The following MAML3 variants were observed in gnomAD, a reference collection of about 807,000 sequenced individuals.
MAML3 encodes mastermind-like protein 3.
A neutral mutation model predicts 101.9 loss-of-function variants in MAML3; 27 were observed. That is an observed-to-expected ratio of 0.27 (90% confidence interval 0.20 to 0.37). MAML3 has a LOEUF of 0.37. Ranked by LOEUF, MAML3 falls within the 10% of genes least tolerant of loss-of-function variation. The probability of loss-of-function intolerance (pLI) is 1.00; values close to 1 mark genes in which losing one functional copy is unlikely to be tolerated. For missense variants in MAML3, 1,316 were observed against 1,444.9 expected, an observed-to-expected ratio of 0.91 and a Z score of 1.45; for synonymous variants, 501 against 555.9, an observed-to-expected ratio of 0.90 and a Z score of 1.39.
intron 2 of MAML3, among the ~76,000 whole-genome samples, chr4:139,790,216 C>CATATATATATATATATATATAT (rs367675413): frequency 6.4e-4 from 70 of 110,188 alleles, no homozygotes; most frequent in African/African-American, 2.2e-3. Context: ...ACCCTAGTGA[C>CATATATATATATATATATATAT]ATATATATAT....
intron 1 of MAML3, among the ~76,000 whole-genome samples, chr4:139,957,133 C>T (rs1203452794): frequency 6.6e-6 from 1 of 152,160 alleles, no homozygotes; most frequent in Non-Finnish European, 1.5e-5. Flanking sequence ...CTTAACCACT[C>T]CATTTCTAAG....
At chr4:139,983,835 G>T (rs1222285597) in intron 1 of MAML3, among the ~76,000 whole-genome samples, 1 of 152,146 alleles carries the variant, frequency 6.6e-6, no homozygotes, top group Admixed American at 6.6e-5. Flanking sequence ...ATAATCCATG[G>T]TCAAGAGTTT....
intron 2 of MAML3, among the ~76,000 whole-genome samples, chr4:139,759,845 C>A (rs1729718766): frequency 6.6e-6 from 1 of 152,176 alleles, no homozygotes. Context: ...CACTTTCACA[C>A]AGGGGGTAAA....
intron 1 of MAML3, chr4:140,128,088 G>C (rs1438638665): frequency 6.6e-6 from 1 of 152,284 alleles, no homozygotes; most frequent in Non-Finnish European, 1.5e-5. Flanking sequence ...CTTCTCCCTG[G>C]TGAGGCCCCT....
chr4:140,065,191 A>G (rs1727513821), intron 1 of MAML3, among the ~76,000 whole-genome samples: 2 of 152,178 alleles, frequency 1.3e-5, no homozygotes, highest in Admixed American at 6.5e-5. Context: ...AGTAAAATCC[A>G]AAAGCCACTG....
intron 1 of MAML3, among the ~76,000 whole-genome samples, chr4:140,119,491 T>C (rs1383485984): frequency 6.6e-6 from 1 of 152,176 alleles, no homozygotes; most frequent in Non-Finnish European, 1.5e-5. Context: ...ATACAGTCAT[T>C]ACAGACTTCT....
intron 2 of MAML3, among the ~76,000 whole-genome samples, chr4:139,837,161 A>C (rs1731269415): frequency 6.6e-6 from 1 of 150,720 alleles, no homozygotes; most frequent in Admixed American, 6.6e-5. Context: ...AAAAAAAAAG[A>C]ATTACTAACT....
At chr4:139,897,457 C>T (rs1239339690) in intron 1 of MAML3, among the ~76,000 whole-genome samples, 5 of 152,190 alleles carry the variant, frequency 3.3e-5, no homozygotes, top group Non-Finnish European at 5.9e-5. Flanking sequence ...CTGATGCCAC[C>T]TGTGATATGC....
chr4:140,146,429 TACAGCAGGCC>T (rs1287356465), intron 1 of MAML3, among the ~76,000 whole-genome samples: 1 of 152,238 alleles, frequency 6.6e-6, no homozygotes, highest in African/African-American at 2.4e-5. Context: ...GTATTTATTA[TACAGCAGGCC>T]CTCAACTCCA....
intron 1 of MAML3, among the ~76,000 whole-genome samples, chr4:140,070,725 G>A (rs903974122): frequency 8.5e-5 from 13 of 152,232 alleles, no homozygotes; most frequent in Non-Finnish European, 1.5e-4. Flanking sequence ...AGCCACTTCA[G>A]AAGGTAGGAC....
At chr4:140,003,906 T>A (rs1449587511) in intron 1 of MAML3, among the ~76,000 whole-genome samples, 1 of 152,220 alleles carries the variant, frequency 6.6e-6, no homozygotes, top group African/African-American at 2.4e-5. Flanking sequence ...AGTTTCTGTG[T>A]AAATTACAAA....
At chr4:139,790,717 T>A (rs1730393952) in intron 2 of MAML3, among the ~76,000 whole-genome samples, 1 of 152,224 alleles carries the variant, frequency 6.6e-6, no homozygotes, top group African/African-American at 2.4e-5. Context: ...GTAGTACGTA[T>A]CAGACATTCA....
chr4:140,106,751 C>T (rs1416907247), intron 1 of MAML3, among the ~76,000 whole-genome samples: 1 of 152,216 alleles, frequency 6.6e-6, no homozygotes, highest in Non-Finnish European at 1.5e-5. Context: ...CCAATCACAG[C>T]TTGAAAGCAA....
At chr4:139,864,344 C>T (rs1731848242) in intron 2 of MAML3, among the ~76,000 whole-genome samples, 1 of 152,102 alleles carries the variant, frequency 6.6e-6, no homozygotes, top group Non-Finnish European at 1.5e-5. Context: ...ATTAATTACT[C>T]ATACTATGAC....
At chr4:139,754,391 TCACTCAA>T (rs2111045402) in intron 2 of MAML3, among the ~76,000 whole-genome samples, 1 of 152,334 alleles carries the variant, frequency 6.6e-6, no homozygotes, top group South Asian at 2.1e-4. Flanking sequence ...AAAATGATAG[TCACTCAA>T]TGTATTTCCA....
intron 1 of MAML3, among the ~76,000 whole-genome samples, chr4:139,953,509 C>T (rs1733865858): frequency 6.6e-6 from 1 of 152,094 alleles, no homozygotes; most frequent in African/African-American, 2.4e-5. Flanking sequence ...GCCTGTAATC[C>T]CAGCTACTCA....
chr4:139,998,893 G>A (rs1485651787), intron 1 of MAML3, among the ~76,000 whole-genome samples: 1 of 151,888 alleles, frequency 6.6e-6, no homozygotes, highest in East Asian at 1.9e-4. Context: ...CCCTGTTTCT[G>A]CATGGCTTAA....
At chr4:139,982,777 C>T (rs1327094425) in intron 1 of MAML3, among the ~76,000 whole-genome samples, 2 of 152,154 alleles carry the variant, frequency 1.3e-5, no homozygotes. Flanking sequence ...CCACTCTAGC[C>T]TACTCTCCTA....
At chr4:139,935,974 C>T (rs1733499107) in intron 1 of MAML3, among the ~76,000 whole-genome samples, 1 of 152,116 alleles carries the variant, frequency 6.6e-6, no homozygotes, top group Non-Finnish European at 1.5e-5. Flanking sequence ...TACATTATAT[C>T]CCTGGAACTT....
Sources: allele counts gnomAD v4.1 joint callset (sites outside exome capture counted in the v4.1 genomes callset), GRCh38; gene constraint gnomAD v4.1.1; transcripts MANE v1.5; gene names NCBI Gene and HGNC (gene_info 2026-07-23, HGNC 2026-07-21).